XCR1: variants seen among roughly 807,000 people sequenced by gnomAD.
XCR1 encodes X-C motif chemokine receptor 1, also known as chemokine XC receptor 1.
For synonymous variants in XCR1, 187 were observed against 188.5 expected (o/e 0.99, Z 0.06); for missense variants, 356 against 424.2 (o/e 0.84, Z 1.41).
chr3:46,082,229 C>T (rs967830664), intron 1 of XCR1, among the ~76,000 whole-genome samples: 2 of 152,104 alleles, frequency 1.3e-5, no homozygotes, highest in Admixed American at 1.3e-4. Flanking sequence ...CCAGACCAAG[C>T]CTGTATAACT....
chr3:46,020,998 G>C lies in XCR1; in HGVS notation c.950C>G (p.Ser317Trp). ...GAAGGCACCAGGGGAGTGGGGGATC[G>C]AGGCTGGGCTGGGTGCCTGCAGCCG... ...FCRLQAPSPA[S>W]IPHSPGAFAY... The change falls in exon 2 of 2, where the codon TCG becomes TGG. Residue 317 changes from serine (S) to tryptophan (W), a missense_variant. By Grantham distance (177) the Ser-to-Trp change is radical. Coordinates refer to ENST00000309285, the MANE Select transcript of XCR1 (RefSeq NM_001024644.2). 5 of 1,612,956 alleles carry C rather than the reference G, an allele frequency of 3.1e-6. No individual in the cohort carries two copies. Among genetic ancestry groups the C allele is most frequent in the Non-Finnish European group, 4.2e-6 (5 of 1,179,420 alleles).
At chr3:46,024,028 T>A (rs1289396190) in intron 1 of XCR1, 5 of 1,329,370 alleles carry the variant, frequency 3.8e-6, no homozygotes, top group Middle Eastern at 2.2e-4. Flanking sequence ...CTGGCAGAAG[T>A]TTGCAGCAAA....
At chr3:46,049,992 T>A (rs533491076) in intron 5 of XCR1, among the ~76,000 whole-genome samples, 4 of 152,356 alleles carry the variant, frequency 2.6e-5, no homozygotes, top group Admixed American at 6.5e-5. Flanking sequence ...CTGCCCATAG[T>A]CACAATTTGT....
At chr3:46,035,983 G>T (rs1041388078) in intron 5 of XCR1, among the ~76,000 whole-genome samples, 1 of 152,066 alleles carries the variant, frequency 6.6e-6, no homozygotes, top group African/African-American at 2.4e-5. Flanking sequence ...GAAGGACCCC[G>T]GCTGTTTCAA....
chr3:46,073,720 A>G (rs1251409305), intron 3 of XCR1, among the ~76,000 whole-genome samples: 2 of 107,896 alleles, frequency 1.9e-5, no homozygotes, highest in African/African-American at 7.5e-5. Context: ...AATTCAAACA[A>G]CTCAACAACA....
chr3:46,050,589 G>C (rs1200039500), intron 5 of XCR1, among the ~76,000 whole-genome samples: 19 of 152,176 alleles, frequency 1.2e-4, no homozygotes, highest in Admixed American at 1.2e-3. Context: ...GATATACGCA[G>C]TGGGAAACAT....
chr3:46,054,432 G>T (rs1456805725), intron 4 of XCR1, among the ~76,000 whole-genome samples: 1 of 152,138 alleles, frequency 6.6e-6, no homozygotes, highest in Non-Finnish European at 1.5e-5. Flanking sequence ...GCATCCAGTG[G>T]AATGCTGAGT....
intron 1 of XCR1, chr3:46,023,922 A>G: frequency 2.0e-6 from 3 of 1,493,762 alleles, no homozygotes; most frequent in Admixed American, 3.5e-5. Flanking sequence ...AAAAAGGTCC[A>G]GTAGAAAAGG....
chr3:46,040,082 A>T (rs576167382), intron 5 of XCR1, among the ~76,000 whole-genome samples: 8 of 152,176 alleles, frequency 5.3e-5, no homozygotes, highest in Non-Finnish European at 8.8e-5. Context: ...CACAATTTTC[A>T]TGCAAGAGAT....
Position 46,021,533 on chromosome 3 carries a change from G to A in XCR1, c.415C>T (p.Arg139Cys), listed in dbSNP as rs375053338. Residue 139 changes from arginine (R) to cysteine (C), a missense_variant, in exon 2 of 2, where the codon CGC becomes TGC. Transcript: ENST00000309285. The surrounding 1 kb of genome is among the most constrained non-coding windows in gnomAD (Gnocchi z 4.7). ...ACCCGGCAGCGGAGGGTGGGGACGC[G>A]CAGGGTGGAGAGGGGGCTCACTACC... The part of the protein sequence containing the change: ...LSVVSPLSTL[R>C]VPTLRCRVLV... 108 of 1,610,662 alleles carry A rather than the reference G, an allele frequency of 6.7e-5. No homozygotes were observed. Among genetic ancestry groups the A allele is most frequent in the Non-Finnish European group, 8.0e-5 (94 of 1,178,364 alleles).
intron 1 of XCR1, among the ~76,000 whole-genome samples, chr3:46,025,430 G>C (rs907217256): frequency 6.6e-6 from 1 of 151,990 alleles, no homozygotes; most frequent in African/African-American, 2.4e-5. Flanking sequence ...GAGAGAGAGA[G>C]AGAGAGAAAG....
intron 5 of XCR1, among the ~76,000 whole-genome samples, chr3:46,041,889 C>T (rs563341268): frequency 6.6e-6 from 1 of 152,304 alleles, no homozygotes; most frequent in South Asian, 2.1e-4. Context: ...GTCTTCCCTG[C>T]TATATAAACC....
At chr3:46,062,573 T>C (rs997405590) in intron 4 of XCR1, among the ~76,000 whole-genome samples, 2 of 152,262 alleles carry the variant, frequency 1.3e-5, no homozygotes, top group African/African-American at 4.8e-5. Flanking sequence ...GTCTAAAGGC[T>C]CTCCCTGCCT....
exon 2 of XCR1, among the ~76,000 whole-genome samples, chr3:46,076,748 G>T (rs1276434374): frequency 6.6e-6 from 1 of 152,082 alleles, no homozygotes; most frequent in African/African-American, 2.4e-5. Flanking sequence ...ACCTTATCAG[G>T]TTGGCCTTCT....
At chr3:46,039,708 C>T (rs1205326959) in intron 5 of XCR1, among the ~76,000 whole-genome samples, 3 of 152,142 alleles carry the variant, frequency 2.0e-5, no homozygotes, top group Non-Finnish European at 2.9e-5. Flanking sequence ...GACGCAGGTT[C>T]AGAAATTAAA....
At chr3:46,048,401 G>A (rs1489425790) in intron 5 of XCR1, among the ~76,000 whole-genome samples, 1 of 152,188 alleles carries the variant, frequency 6.6e-6, no homozygotes, top group African/African-American at 2.4e-5. Context: ...CACTCCAGTA[G>A]TTTCTCAGTT....
At chr3:46,068,781 C>CGT (rs10583362) in intron 3 of XCR1, among the ~76,000 whole-genome samples, 19,383 of 150,186 alleles carry the variant, frequency 0.13, 3,802 homozygotes, top group African/African-American at 0.43. Context: ...ACATCATGGA[C>CGT]GTGTGTGTGT....
At chr3:46,026,750 T>G (rs1156884317) in intron 1 of XCR1, among the ~76,000 whole-genome samples, 1 of 151,804 alleles carries the variant, frequency 6.6e-6, no homozygotes, top group East Asian at 1.9e-4. Context: ...ACCTGGCTAT[T>G]TTTTTGTATT....
At chr3:46,056,227 G>A (rs1035230602) in intron 4 of XCR1, among the ~76,000 whole-genome samples, 1 of 152,092 alleles carries the variant, frequency 6.6e-6, no homozygotes. Flanking sequence ...ATTTTTAGTA[G>A]AGATGGGGTT....
Sources: allele counts gnomAD v4.1 joint callset (sites outside exome capture counted in the v4.1 genomes callset), GRCh38; gene constraint gnomAD v4.1.1; non-coding constraint Gnocchi (gnomAD v3.1); transcripts MANE v1.5; gene names NCBI Gene and HGNC (gene_info 2026-07-23, HGNC 2026-07-21).